FUT9: variants seen among roughly 807,000 people sequenced by gnomAD.
The protein encoded by FUT9 is fucosyltransferase 9.
FUT9 carries 15 observed loss-of-function variants against 29.7 expected under a neutral mutation model. That is an observed-to-expected ratio of 0.51 (90% CI 0.34 to 0.78). The LOEUF (loss-of-function observed/expected upper bound fraction) is 0.78. FUT9 is among the 30% of genes least tolerant of loss of function. The pLI, the probability that FUT9 is intolerant of heterozygous loss-of-function variation, is 0.01. For missense variants in FUT9, 319 were observed against 425.4 expected (o/e 0.75, Z 2.20); for synonymous variants, 169 against 153.7 (o/e 1.10, Z -0.74).
intron 1 of FUT9, among the ~76,000 whole-genome samples, chr6:96,059,570 A>G (rs1217764065): frequency 6.6e-6 from 1 of 152,224 alleles, no homozygotes; most frequent in Non-Finnish European, 1.5e-5. Context: ...CAGGAAAAAT[A>G]ACAATCTTAA....
At chr6:96,136,143 T>TG (rs1328917330) in intron 2 of FUT9, among the ~76,000 whole-genome samples, 5 of 151,814 alleles carry the variant, frequency 3.3e-5, no homozygotes, top group South Asian at 4.2e-4. Flanking sequence ...AATATATTGA[T>TG]GGGGTATCAG....
intron 2 of FUT9, among the ~76,000 whole-genome samples, chr6:96,169,096 G>A (rs936991725): frequency 1.3e-5 from 2 of 152,134 alleles, no homozygotes; most frequent in African/African-American, 2.4e-5. Context: ...AAACCAATGA[G>A]TACCAAGGCG....
intron 1 of FUT9, among the ~76,000 whole-genome samples, chr6:96,048,788 A>T (rs1385705339): frequency 6.6e-6 from 1 of 152,082 alleles, no homozygotes; most frequent in Admixed American, 6.6e-5. Context: ...GAGGGGGGGA[A>T]CTGACCAAGT....
chr6:96,091,181 T>A (rs1771405724), intron 1 of FUT9, among the ~76,000 whole-genome samples: 1 of 152,096 alleles, frequency 6.6e-6, no homozygotes, highest in African/African-American at 2.4e-5. Flanking sequence ...CCTGACATTA[T>A]TTGACTCTCA....
chr6:96,127,189 TC>T (rs895306824), intron 2 of FUT9, among the ~76,000 whole-genome samples: 3 of 152,168 alleles, frequency 2.0e-5, no homozygotes, highest in Non-Finnish European at 4.4e-5. Context: ...CCTCCTCCTA[TC>T]TTCCACCCTC....
At chr6:96,078,378 G>A (rs967169240) in intron 1 of FUT9, among the ~76,000 whole-genome samples, 7 of 113,674 alleles carry the variant, frequency 6.2e-5, no homozygotes, top group African/African-American at 2.4e-4. Flanking sequence ...CAGTGTGCTT[G>A]CTTTGATCTC....
intron 2 of FUT9, among the ~76,000 whole-genome samples, chr6:96,187,638 A>G (rs1252948686): frequency 6.6e-6 from 1 of 152,194 alleles, no homozygotes; most frequent in Admixed American, 6.6e-5. Context: ...CTGACCTTAT[A>G]TAGTAGCTTG....
At chr6:96,114,667 A>C in intron 2 of FUT9, among the ~76,000 whole-genome samples, 1 of 151,792 alleles carries the variant, frequency 6.6e-6, no homozygotes, top group Admixed American at 6.6e-5. Flanking sequence ...AAATAAAAAA[A>C]GAAAAGTAGT....
Position 96,107,499 on chromosome 6 carries a change from A to C in FUT9, c.-97-6540A>C, listed in dbSNP as rs889117364. 2.6e-5 allele frequency among the ~76,000 whole-genome samples: 4 copies of C among 152,178 alleles called. No homozygotes were observed. In the South Asian group the frequency reaches 8.3e-4, roughly 31 times the overall value. ...AGTACTGCTTAAAGCTCAGGAGAAG[A>C]AGCTCAAGAATTTGTCCTGAAGTGT... On this transcript the variant is annotated intron_variant, in intron 1 of 2. Coordinates refer to ENST00000302103, the MANE Select transcript of FUT9 (RefSeq NM_006581.4).
rs549505555 is a variant in FUT9, at chr6:96,100,643, G to A, written c.-97-13396G>A. On this transcript the variant is annotated intron_variant, in intron 1 of 2. Transcript: ENST00000302103. ...AACAGAGCTGTATGACTGAGGTATG[G>A]TGAGGAGTGATGATCGATAAGCCAA... Among the ~76,000 whole-genome samples the A allele has an allele frequency of 2.4e-3, 363 of 152,290 alleles. 1 individual carries two copies. The highest frequency in any genetic ancestry group is 8.5e-3 in the African/African-American group (355 of 41,564).
At chr6:96,098,605 T>C (rs537534661) in intron 1 of FUT9, among the ~76,000 whole-genome samples, 3 of 152,236 alleles carry the variant, frequency 2.0e-5, no homozygotes, top group African/African-American at 7.2e-5. Context: ...CCAGTTAGAG[T>C]CATTCCCAAA....
At chr6:96,170,958 T>C (rs77785106) in intron 2 of FUT9, among the ~76,000 whole-genome samples, 1 of 152,022 alleles carries the variant, frequency 6.6e-6, no homozygotes, top group East Asian at 2.0e-4. Flanking sequence ...TCTGCTTTTT[T>C]CCCCCTTTCT....
At chr6:96,190,735 T>C (rs946642895) in intron 2 of FUT9, among the ~76,000 whole-genome samples, 1 of 152,202 alleles carries the variant, frequency 6.6e-6, no homozygotes, top group Admixed American at 6.5e-5. Context: ...ACATAATTCT[T>C]GTGCCATGGT....
intron 1 of FUT9, among the ~76,000 whole-genome samples, chr6:96,036,289 A>C (rs2127929796): frequency 6.6e-6 from 1 of 151,432 alleles, no homozygotes; most frequent in Non-Finnish European, 1.5e-5. Context: ...TAATTTTGTA[A>C]GGTTCTAAGC....
chr6:96,019,328 A>G (rs1410597441), intron 1 of FUT9, among the ~76,000 whole-genome samples: 1 of 151,982 alleles, frequency 6.6e-6, no homozygotes, highest in Non-Finnish European at 1.5e-5. Flanking sequence ...ATACTCTAAT[A>G]TATATTTCTT....
At chr6:96,168,678 ATTAG>A (rs1378943880) in intron 2 of FUT9, among the ~76,000 whole-genome samples, 1 of 152,194 alleles carries the variant, frequency 6.6e-6, no homozygotes, top group African/African-American at 2.4e-5. Flanking sequence ...CATGTAGACA[ATTAG>A]TTCAGAGAGT....
chr6:96,067,058 G>T (rs1770974256), intron 1 of FUT9, among the ~76,000 whole-genome samples: 1 of 151,524 alleles, frequency 6.6e-6, no homozygotes, highest in African/African-American at 2.4e-5. Flanking sequence ...TATTGTTAAG[G>T]TTAAAAAATA....
At chr6:96,142,173 C>T (rs1772475645) in intron 2 of FUT9, among the ~76,000 whole-genome samples, 1 of 152,144 alleles carries the variant, frequency 6.6e-6, no homozygotes, top group South Asian at 2.1e-4. Flanking sequence ...AAATCAATCC[C>T]ATTTAAATTT....
intron 1 of FUT9, among the ~76,000 whole-genome samples, chr6:96,065,288 A>G (rs1157540408): frequency 2.0e-5 from 3 of 152,190 alleles, no homozygotes; most frequent in Non-Finnish European, 2.9e-5. Flanking sequence ...CTAGTTGTTC[A>G]GTATGAATGT....
Sources: gnomAD v4.1 joint callset for allele counts (sites outside exome capture counted in the v4.1 genomes callset) on GRCh38, gnomAD v4.1.1 for gene constraint, MANE v1.5 for transcripts, NCBI Gene and HGNC (gene_info 2026-07-23, HGNC 2026-07-21) for gene names.